The following RAB11FIP4 variants were observed in gnomAD, a reference collection of about 807,000 sequenced individuals.
The protein encoded by RAB11FIP4 is rab11 family-interacting protein 4.
Under a neutral mutation model 74.3 loss-of-function variants are expected in RAB11FIP4, and 23 were observed. The ratio of observed to expected loss-of-function variants is 0.31; its 90% CI spans 0.22 to 0.44. The LOEUF is 0.44. RAB11FIP4 is among the 20% of genes least tolerant of loss of function. The pLI is 1.00. For synonymous variants in RAB11FIP4, 360 were observed against 359.9 expected (o/e 1.00, Z 0.00); for missense variants, 630 against 863.9 (o/e 0.73, Z 3.39).
chr17:31,418,676 G>A (rs1370917572), intron 1 of RAB11FIP4, among the ~76,000 whole-genome samples: 1 of 151,986 alleles, frequency 6.6e-6, no homozygotes, highest in African/African-American at 2.4e-5. Context: ...TGTTGCCCAG[G>A]CTGGTCTGGA....
chr17:31,488,230 G>C (rs1463670343), intron 3 of RAB11FIP4: 1 of 1,146,772 alleles, frequency 8.7e-7, no homozygotes, highest in Non-Finnish European at 1.1e-6. Context: ...CTCTGCCGGG[G>C]AGCGGCCCGC....
At chr17:31,409,270 A>G (rs2071071031) in intron 1 of RAB11FIP4, among the ~76,000 whole-genome samples, 1 of 152,210 alleles carries the variant, frequency 6.6e-6, no homozygotes, top group African/African-American at 2.4e-5. Context: ...GCATATTAAT[A>G]AAGACCACCC....
chr17:31,506,541 C>T (rs1309037120), intron 3 of RAB11FIP4, among the ~76,000 whole-genome samples: 2 of 152,206 alleles, frequency 1.3e-5, no homozygotes, highest in South Asian at 4.1e-4. Context: ...CCCGTCCTCC[C>T]TTCTCCTACC....
intron 3 of RAB11FIP4, among the ~76,000 whole-genome samples, chr17:31,437,289 A>C (rs2071368341): frequency 6.6e-6 from 1 of 152,184 alleles, no homozygotes; most frequent in African/African-American, 2.4e-5. Flanking sequence ...CTGACGGGGC[A>C]GACGGCTTCT....
intron 3 of RAB11FIP4, among the ~76,000 whole-genome samples, chr17:31,473,505 C>T (rs1335327385): frequency 5.3e-5 from 8 of 152,154 alleles, no homozygotes; most frequent in African/African-American, 1.2e-4. Context: ...CACGCCACTG[C>T]GCTTCAGCCT....
rs540628286 is a variant in RAB11FIP4 at position 31,480,149 on chromosome 17, C to T, written c.337-37502C>T. ...CCAGGTCTTCTGGCCCTGAGTTCCA[C>T]TGTTTCTCCACTGCTCCACACGGCC... On this transcript the variant is annotated intron_variant, in intron 3 of 14. Coordinates refer to ENST00000621161, the MANE Select transcript of RAB11FIP4 (RefSeq NM_032932.6). Among the ~76,000 whole-genome samples the T allele has an allele frequency of 5.9e-5, 9 of 152,266 alleles. No homozygotes were observed. The East Asian group carries it at 1.5e-3, about 26-fold the overall frequency.
chr17:31,499,583 C>T lies in RAB11FIP4; in HGVS notation c.337-18068C>T, dbSNP rs144315647. Reference sequence around the variant, plus strand: ...TGTTGACCAGGATGGTCTCAATCTCCTGACCTCGTGATCCGCCCGTCTCGG... The same window carrying T: ...TGTTGACCAGGATGGTCTCAATCTCTTGACCTCGTGATCCGCCCGTCTCGG... On this transcript the variant is annotated intron_variant, in intron 3 of 14. Coordinates refer to ENST00000621161, the MANE Select transcript of RAB11FIP4 (RefSeq NM_032932.6). Among the ~76,000 whole-genome samples, 211 of 152,216 alleles carry T rather than the reference C, an allele frequency of 1.4e-3. 2 individuals are homozygous for T. Among genetic ancestry groups the T allele is most frequent in the African/African-American group, 4.7e-3 (194 of 41,518 alleles).
At chr17:31,481,662 G>A (rs1339334678) in intron 3 of RAB11FIP4, among the ~76,000 whole-genome samples, 1 of 152,132 alleles carries the variant, frequency 6.6e-6, no homozygotes, top group Admixed American at 6.5e-5. Flanking sequence ...AGAACACCTT[G>A]CTGGACTTCC....
intron 10 of RAB11FIP4, chr17:31,526,057 A>C (rs1369229789): frequency 6.6e-6 from 1 of 152,214 alleles, no homozygotes; most frequent in African/African-American, 2.4e-5. Flanking sequence ...GCCCCTGTGC[A>C]GTTTGGTGAG....
chr17:31,502,110 G>C (rs2072232884), intron 3 of RAB11FIP4, among the ~76,000 whole-genome samples: 1 of 151,902 alleles, frequency 6.6e-6, no homozygotes, highest in African/African-American at 2.4e-5. Flanking sequence ...TGTAATCCCA[G>C]CTATTTGGGA....
chr17:31,447,215 T>C (rs918607466), intron 3 of RAB11FIP4, among the ~76,000 whole-genome samples: 12 of 151,862 alleles, frequency 7.9e-5, no homozygotes, highest in South Asian at 4.1e-4. Context: ...ACCCGGGAGG[T>C]GGAGCTTGCA....
intron 3 of RAB11FIP4, chr17:31,487,994 C>CG (rs1040254162): frequency 1.0e-6 from 1 of 995,356 alleles, no homozygotes; most frequent in African/African-American, 1.7e-5. Flanking sequence ...CGCGAGGCCC[C>CG]GCCCCCGAGT....
intron 3 of RAB11FIP4, among the ~76,000 whole-genome samples, chr17:31,504,547 C>T (rs2072281749): frequency 6.6e-6 from 1 of 152,132 alleles, no homozygotes; most frequent in Non-Finnish European, 1.5e-5. Context: ...GGATTACAGG[C>T]GTGAGCCACC....
At chr17:31,525,426 G>A (rs2072748311) in intron 10 of RAB11FIP4, 196 bp downstream of exon 10, 2 of 615,730 alleles carry the variant, frequency 3.2e-6, no homozygotes, top group African/African-American at 1.9e-5. Flanking sequence ...GTTCGCTAAG[G>A]AATGTTCCCA....
chr17:31,452,739 G>A (rs1251023575), intron 3 of RAB11FIP4, among the ~76,000 whole-genome samples: 8 of 152,156 alleles, frequency 5.3e-5, no homozygotes, highest in Non-Finnish European at 1.2e-4. Flanking sequence ...TGTCACCTCC[G>A]CATGTGGTGA....
chr17:31,414,858 C>T (rs973040473), intron 1 of RAB11FIP4, among the ~76,000 whole-genome samples: 2 of 152,242 alleles, frequency 1.3e-5, no homozygotes, highest in African/African-American at 4.8e-5. Context: ...TGCAAAATAA[C>T]TTACATGCTG....
Sources: allele counts gnomAD v4.1 joint callset (sites outside exome capture counted in the v4.1 genomes callset), GRCh38; gene constraint gnomAD v4.1.1; transcripts MANE v1.5; gene names NCBI Gene and HGNC (gene_info 2026-07-23, HGNC 2026-07-21).